Variants in TTLL7 observed in about 807,000 individuals in gnomAD.
The protein encoded by TTLL7 is tubulin polyglutamylase TTLL7.
A neutral mutation model predicts 120.2 loss-of-function variants in TTLL7; 53 were observed. That is an observed-to-expected ratio of 0.44 (90% confidence interval 0.35 to 0.55). The LOEUF (loss-of-function observed/expected upper bound fraction) is 0.55, where lower values mean the gene tolerates loss of function less well. Among genes scored for constraint, TTLL7 ranks in the 20% least tolerant of loss-of-function variants. The probability of loss-of-function intolerance (pLI) is 0.00; values close to 1 mark genes in which losing one functional copy is unlikely to be tolerated. For synonymous variants in TTLL7, 353 were observed against 351.7 expected (o/e 1.00, Z -0.04); for missense variants, 803 against 1,054.7 (o/e 0.76, Z 3.31).
rs374912695 is a variant in TTLL7 at position 83,892,670 on chromosome 1, A to G, written c.2209-2189T>C. Among the ~76,000 whole-genome samples the G allele has an allele frequency of 3.4e-5, 5 of 147,592 alleles. No individual in the cohort carries two copies. The East Asian group carries it at 5.9e-4, about 17-fold the overall frequency. ...TATGAACATATGAATGAACATATAT[A>G]TGAACATATGAACATATATATGAAC... On this transcript the variant is annotated intron_variant, in intron 18 of 20. Coordinates refer to ENST00000260505, the MANE Select transcript of TTLL7 (RefSeq NM_024686.6).
At chr1:83,974,958 C>T (rs1431853599) in intron 1 of TTLL7, among the ~76,000 whole-genome samples, 1 of 151,984 alleles carries the variant, frequency 6.6e-6, no homozygotes, top group Non-Finnish European at 1.5e-5. Context: ...AACCATTTTC[C>T]TCTGTAATAA....
intron 3 of TTLL7, among the ~76,000 whole-genome samples, chr1:83,950,927 A>G (rs748608744): frequency 3.9e-5 from 6 of 152,190 alleles, no homozygotes; most frequent in Non-Finnish European, 7.3e-5. Flanking sequence ...GCAGAAAACA[A>G]TAACAAATTC....
intron 14 of TTLL7, among the ~76,000 whole-genome samples, chr1:83,914,348 T>G (rs896216948): frequency 7.9e-6 from 1 of 126,530 alleles, no homozygotes; most frequent in Non-Finnish European, 1.6e-5. Flanking sequence ...TTTTTTTTTT[T>G]GTGAGACAGA....
chr1:83,985,168 C>T (rs987372512), intron 1 of TTLL7, among the ~76,000 whole-genome samples: 99 of 152,188 alleles, frequency 6.5e-4, no homozygotes, highest in African/African-American at 2.3e-3. Flanking sequence ...AGTCTGAGTC[C>T]GAAAGCTTCA....
intron 1 of TTLL7, among the ~76,000 whole-genome samples, chr1:83,984,573 A>T (rs1422723713): frequency 6.6e-6 from 1 of 152,248 alleles, no homozygotes; most frequent in East Asian, 1.9e-4. Flanking sequence ...GTACATATAC[A>T]CATGGAATGC....
At chr1:83,892,228 GTA>G (rs1185540162) in intron 18 of TTLL7, among the ~76,000 whole-genome samples, 179 of 139,588 alleles carry the variant, frequency 1.3e-3, no homozygotes, top group Non-Finnish European at 1.7e-3. Flanking sequence ...ATATATATGT[GTA>G]TATATATGAA....
intron 8 of TTLL7, among the ~76,000 whole-genome samples, chr1:83,935,267 C>G (rs1647279817): frequency 1.3e-5 from 2 of 152,050 alleles, no homozygotes; most frequent in South Asian, 4.1e-4. Context: ...TGATAAGTAT[C>G]TGTATGGAAC....
chr1:83,932,567 G>A lies in TTLL7; in HGVS notation c.1047+1041C>T, dbSNP rs556111024. On this transcript the variant is annotated intron_variant, in intron 9 of 20. Transcript: ENST00000260505. ...AGTAGATGTGACCACACATAGGCGC[G>A]CGCACACACACACACACACACAATC... Among the ~76,000 whole-genome samples, 10 of 124,970 alleles carry A rather than the reference G, an allele frequency of 8.0e-5. No individual in the cohort carries two copies. In the East Asian group the frequency reaches 1.3e-3, roughly 16 times the overall value. The allele number at this position is 124,970 out of a possible 152,430, so 82.0% of individuals were successfully genotyped here.
intron 6 of TTLL7, among the ~76,000 whole-genome samples, chr1:83,945,340 G>A (rs1648382870): frequency 6.6e-6 from 1 of 152,140 alleles, no homozygotes; most frequent in South Asian, 2.1e-4. Context: ...ACCTGGAGTG[G>A]CAAAATTGTT....
intron 1 of TTLL7, among the ~76,000 whole-genome samples, chr1:83,963,930 G>GAA: frequency 6.6e-6 from 1 of 152,140 alleles, no homozygotes; most frequent in East Asian, 1.9e-4. Context: ...AATCCATATG[G>GAA]AAAAAAGCAA....
chr1:83,914,444 G>A (rs1170718543), intron 14 of TTLL7, among the ~76,000 whole-genome samples: 1 of 143,986 alleles, frequency 6.9e-6, no homozygotes, highest in Non-Finnish European at 1.5e-5. Flanking sequence ...CAATTCTCCT[G>A]CTTCAGCCTC....
chr1:83,917,791 A>G, intron 13 of TTLL7, 101 bp from the exon 14 acceptor site: 1 of 753,602 alleles, frequency 1.3e-6, no homozygotes, highest in Non-Finnish European at 2.2e-6. Context: ...AGGATTCCTG[A>G]AATTATTTAG....
chr1:83,906,596 T>C, intron 16 of TTLL7, 133 bp from the exon 17 acceptor site: 1 of 1,335,886 alleles, frequency 7.5e-7, no homozygotes, highest in Non-Finnish European at 1.0e-6. Context: ...GAAGAAAATT[T>C]TCTTTTACAC....
chr1:83,941,195 C>T (rs991486078), intron 7 of TTLL7, among the ~76,000 whole-genome samples: 1 of 152,188 alleles, frequency 6.6e-6, no homozygotes, highest in Non-Finnish European at 1.5e-5. Context: ...GGCTATGTGC[C>T]CCTGCTATGC....
At chr1:83,943,180 T>G (rs569378550) in intron 6 of TTLL7, among the ~76,000 whole-genome samples, 1 of 152,182 alleles carries the variant, frequency 6.6e-6, no homozygotes, top group Non-Finnish European at 1.5e-5. Flanking sequence ...TAAAGGCAAA[T>G]GTATTAGTCA....
rs1160283964 is a variant in TTLL7, at chr1:83,924,107, T to C, written c.1143-2713A>G. On this transcript the variant is annotated intron_variant, in intron 10 of 20. Transcript: ENST00000260505. ...GTACTCTCTATTTGTTAATTCCAGATATGGCCCTGGGGATACAAAAAGAAC... is the reference window on the plus strand; with the variant it reads ...GTACTCTCTATTTGTTAATTCCAGACATGGCCCTGGGGATACAAAAAGAAC... Among the ~76,000 whole-genome samples the C allele has an allele frequency of 2.6e-5, 4 of 152,226 alleles. No homozygotes were observed. In the East Asian group the frequency reaches 7.8e-4, roughly 30 times the overall value.
intron 20 of TTLL7, among the ~76,000 whole-genome samples, chr1:83,878,348 G>GT (rs145440840): frequency 0.024 from 3,650 of 151,902 alleles, 73 homozygotes; most frequent in African/African-American, 0.053. Flanking sequence ...TCTTTACTGA[G>GT]TTTTTTCTGA....
intron 19 of TTLL7, chr1:83,887,392 C>T (rs549939404): frequency 3.0e-5 from 8 of 270,526 alleles, no homozygotes; most frequent in South Asian, 7.1e-5. Flanking sequence ...AAGGAGTATA[C>T]ATTGAGAAGG....
intron 1 of TTLL7, among the ~76,000 whole-genome samples, chr1:83,956,627 T>C (rs1485296041): frequency 6.6e-6 from 1 of 151,914 alleles, no homozygotes; most frequent in Admixed American, 6.6e-5. Context: ...ACGAGGTTTC[T>C]CCATGTTGGT....
Sources: allele counts gnomAD v4.1 joint callset (sites outside exome capture counted in the v4.1 genomes callset), GRCh38; gene constraint gnomAD v4.1.1; transcripts MANE v1.5; gene names NCBI Gene and HGNC (gene_info 2026-07-23, HGNC 2026-07-21).